The following NRXN3 variants were observed in gnomAD, a reference collection of about 807,000 sequenced individuals.
NRXN3 encodes the protein neurexin 3.
Under a neutral mutation model 137.6 loss-of-function variants are expected in NRXN3, and 32 were observed. The observed-to-expected ratio is 0.23, with a 90% CI of 0.18 to 0.31. NRXN3 has a LOEUF of 0.31. NRXN3 is among the 10% of genes least tolerant of loss of function. NRXN3 has a pLI of 1.00. For missense variants in NRXN3, 1,574 were observed against 2,062.5 expected (o/e 0.76, Z 4.59); for synonymous variants, 798 against 784.5 (o/e 1.02, Z -0.29).
chr14:79,559,529 A>C (rs2153773380), intron 16 of NRXN3, among the ~76,000 whole-genome samples: 1 of 152,218 alleles, frequency 6.6e-6, no homozygotes, highest in South Asian at 2.1e-4. Context: ...AACAGTTACA[A>C]TAGTAACCTC....
intron 1 of NRXN3, among the ~76,000 whole-genome samples, chr14:78,240,071 A>G (rs1453765897): frequency 6.6e-6 from 1 of 152,124 alleles, no homozygotes; most frequent in Non-Finnish European, 1.5e-5. Context: ...TCTGGGGTGT[A>G]AATACTCCTT....
intron 4 of NRXN3, among the ~76,000 whole-genome samples, chr14:78,527,283 G>A (rs1252567380): frequency 6.6e-6 from 1 of 152,166 alleles, no homozygotes; most frequent in African/African-American, 2.4e-5. Flanking sequence ...TTCTGGGGAG[G>A]CCTTAAGAAA....
chr14:79,108,644 A>G (rs2052908582), intron 15 of NRXN3, among the ~76,000 whole-genome samples: 2 of 152,180 alleles, frequency 1.3e-5, no homozygotes, highest in South Asian at 4.1e-4. Context: ...ACAGTTCAAT[A>G]CAGCATACTT....
chr14:79,055,635 A>G (rs558311102), intron 15 of NRXN3, among the ~76,000 whole-genome samples: 1 of 152,338 alleles, frequency 6.6e-6, no homozygotes, highest in East Asian at 1.9e-4. Context: ...AGAGCAGTAT[A>G]TATATATTAA....
At chr14:79,564,192 A>G (rs1265100601) in intron 16 of NRXN3, among the ~76,000 whole-genome samples, 2 of 151,672 alleles carry the variant, frequency 1.3e-5, no homozygotes, top group African/African-American at 4.8e-5. Flanking sequence ...AGATGTTCCT[A>G]GGTTCTAAGT....
intron 6 of NRXN3, among the ~76,000 whole-genome samples, chr14:78,657,700 T>TTTATAGAATAACTGTAATAAC (rs2097795933): frequency 6.6e-6 from 1 of 152,238 alleles, no homozygotes. Context: ...TAACTTTACA[T>TTTATAGAATAACTGTAATAAC]TTTATAGAAC....
At chr14:78,821,455 T>C (rs2098950491) in intron 10 of NRXN3, among the ~76,000 whole-genome samples, 1 of 152,116 alleles carries the variant, frequency 6.6e-6, no homozygotes, top group African/African-American at 2.4e-5. Context: ...ACTGCCCCAC[T>C]GACCAGAGTG....
rs770746483 is a variant in NRXN3, at chr14:78,310,517, C to T, written c.757+12657C>T. The stretch of plus-strand genomic sequence containing the variant: ...GATGTAGTTTGCTGAGCCAGGCATA[C>T]GCTCCCTTGTTTCCCCAAGTGACCA... On this transcript the variant is annotated intron_variant, in intron 4 of 20. Coordinates refer to ENST00000335750, the MANE Select transcript of NRXN3 (RefSeq NM_001330195.2). Among the ~76,000 whole-genome samples the T allele has an allele frequency of 5.3e-5, 8 of 152,154 alleles. No individual in the cohort carries two copies. In the East Asian group the frequency reaches 7.7e-4, roughly 15 times the overall value.
intron 4 of NRXN3, among the ~76,000 whole-genome samples, chr14:78,358,193 A>AG (rs1162079215): frequency 6.6e-6 from 1 of 152,172 alleles, no homozygotes; most frequent in Non-Finnish European, 1.5e-5. Context: ...GGAGTGCTGT[A>AG]GGGGTGGTGG....
chr14:78,635,682 G>A (rs930313595), intron 4 of NRXN3, among the ~76,000 whole-genome samples: 8 of 152,056 alleles, frequency 5.3e-5, no homozygotes, highest in African/African-American at 1.4e-4. Flanking sequence ...CAGTATAATC[G>A]CCTTAGTTAT....
chr14:79,611,147 G>A (rs1386473289), intron 16 of NRXN3, among the ~76,000 whole-genome samples: 2 of 152,146 alleles, frequency 1.3e-5, no homozygotes, highest in Non-Finnish European at 2.9e-5. Flanking sequence ...AAAAGTGAAG[G>A]AGCAACAGAC....
rs79895683 is a variant in NRXN3, at chr14:78,972,322, C to G, written c.3142+3976C>G. Among the ~76,000 whole-genome samples, 5 of 152,320 alleles carry G rather than the reference C, an allele frequency of 3.3e-5. No individual in the cohort carries two copies. In the East Asian group the frequency reaches 9.7e-4, roughly 29 times the overall value. ...TAGTCTGGTGCCCTTTTGCCTGCAA[C>G]TATTTGGGTTTGGATATATTTTTAA... is the stretch of plus-strand genomic sequence containing the variant. On this transcript the variant is annotated intron_variant, in intron 14 of 20. Coordinates refer to ENST00000335750, the MANE Select transcript of NRXN3 (RefSeq NM_001330195.2).
chr14:78,655,698 A>G (rs1309082987), intron 6 of NRXN3, among the ~76,000 whole-genome samples: 3 of 152,206 alleles, frequency 2.0e-5, no homozygotes, highest in Non-Finnish European at 4.4e-5. Context: ...TAAATAAATG[A>G]ATATGATAAC....
chr14:79,612,595 T>A (rs2098116378), intron 16 of NRXN3, among the ~76,000 whole-genome samples: 1 of 152,208 alleles, frequency 6.6e-6, no homozygotes, highest in Non-Finnish European at 1.5e-5. Context: ...AAGCCTGTAA[T>A]CACAGCATTT....
intron 15 of NRXN3, among the ~76,000 whole-genome samples, chr14:79,462,232 G>A (rs1277453073): frequency 6.6e-6 from 1 of 151,944 alleles, no homozygotes; most frequent in Non-Finnish European, 1.5e-5. Flanking sequence ...AATTAGCCAG[G>A]TGTGGTGGTG....
In NRXN3 at chr14:79,055,928, C is replaced by A. The variant is rs149379199; in HGVS notation, c.3262+67787C>A. Among the ~76,000 whole-genome samples, 1,233 of 152,176 alleles carry A rather than the reference C, an allele frequency of 8.1e-3. 18 individuals are homozygous for A. The highest frequency in any genetic ancestry group is 0.029 in the African/African-American group (1,189 of 41,522). On this transcript the variant is annotated intron_variant, in intron 15 of 20. Transcript: ENST00000335750. ...TGAGGCTGGAGAAATGAGTAGGAAGCAGATCAAAGGCCTTGAAATGTCAAG... is the reference window on the plus strand; with the variant it reads ...TGAGGCTGGAGAAATGAGTAGGAAGAAGATCAAAGGCCTTGAAATGTCAAG...
chr14:79,184,452 A>G (rs1446271266), intron 15 of NRXN3, among the ~76,000 whole-genome samples: 2 of 152,210 alleles, frequency 1.3e-5, no homozygotes, highest in South Asian at 2.1e-4. Flanking sequence ...TATCATCTCT[A>G]CCTTTACAAA....
At chr14:79,123,207 CTGTGTGTGCGTGTGTG>C (rs978513957) in intron 15 of NRXN3, among the ~76,000 whole-genome samples, 1 of 151,900 alleles carries the variant, frequency 6.6e-6, no homozygotes, top group Non-Finnish European at 1.5e-5. Context: ...TTTTCTATGG[CTGTGTGTGCGTGTGTG>C]TGTGCGCGCG....
At chr14:79,704,742 TTCTTTTTCCC>T (rs1299185008) in intron 19 of NRXN3, among the ~76,000 whole-genome samples, 3 of 152,164 alleles carry the variant, frequency 2.0e-5, no homozygotes, top group African/African-American at 7.2e-5. Context: ...CGCAGGTACT[TTCTTTTTCCC>T]TCTTAGAGAA....
Sources: allele counts gnomAD v4.1 joint callset (sites outside exome capture counted in the v4.1 genomes callset), GRCh38; gene constraint gnomAD v4.1.1; transcripts MANE v1.5; gene names NCBI Gene and HGNC (gene_info 2026-07-23, HGNC 2026-07-21).